The following SORBS2 variants were observed in gnomAD, a reference collection of about 807,000 sequenced individuals.
SORBS2 encodes the protein sorbin and SH3 domain containing 2, also known as sorbin and SH3 domain-containing protein 2.
In SORBS2, 46 loss-of-function variants were observed where a neutral mutation model predicts 97.7. That is an observed-to-expected ratio of 0.47 (90% CI 0.37 to 0.60). SORBS2 has a LOEUF of 0.60. Ranked by LOEUF, SORBS2 falls within the 20% of genes least tolerant of loss-of-function variation. SORBS2 has a pLI of 0.00. For synonymous variants in SORBS2, 476 were observed against 473.4 expected, an observed-to-expected ratio of 1.01 and a Z score of -0.07; for missense variants, 1,316 against 1,282.3, an observed-to-expected ratio of 1.03 and a Z score of -0.40.
chr4:185,767,287 A>G (rs958540961), intron 2 of SORBS2, among the ~76,000 whole-genome samples: 10 of 149,714 alleles, frequency 6.7e-5, no homozygotes, highest in Admixed American at 2.7e-4. Flanking sequence ...TCACGAGGTC[A>G]GGAGATCGAG....
At chr4:185,853,890 G>A (rs572805907) in intron 1 of SORBS2, among the ~76,000 whole-genome samples, 4 of 152,318 alleles carry the variant, frequency 2.6e-5, no homozygotes, top group African/African-American at 7.2e-5. Flanking sequence ...TTTTGGTAAA[G>A]CTTTCAGTGA....
chr4:185,925,151 G>A (rs909406199), intron 1 of SORBS2, among the ~76,000 whole-genome samples: 1 of 152,170 alleles, frequency 6.6e-6, no homozygotes, highest in Non-Finnish European at 1.5e-5. Flanking sequence ...CATTCTCATT[G>A]TTATATTATT....
intron 1 of SORBS2, among the ~76,000 whole-genome samples, chr4:185,915,747 A>G (rs1344460023): frequency 6.6e-6 from 1 of 151,986 alleles, no homozygotes; most frequent in Non-Finnish European, 1.5e-5. Context: ...AGATATTAAT[A>G]CTCACTCTAC....
intron 12 of SORBS2, among the ~76,000 whole-genome samples, chr4:185,603,513 A>C (rs376971261): frequency 6.6e-6 from 1 of 152,182 alleles, no homozygotes; most frequent in Non-Finnish European, 1.5e-5. Flanking sequence ...AGTGGTTTTG[A>C]GATTGTATAA....
intron 1 of SORBS2, among the ~76,000 whole-genome samples, chr4:185,655,233 TCTGGATGA>T (rs2097378901): frequency 6.6e-6 from 1 of 152,246 alleles, no homozygotes; most frequent in South Asian, 2.1e-4. Context: ...TTCTAGAGTT[TCTGGATGA>T]CTTTACAAAA....
intron 1 of SORBS2, among the ~76,000 whole-genome samples, chr4:185,870,039 C>A (rs2099229519): frequency 6.6e-6 from 1 of 152,160 alleles, no homozygotes; most frequent in South Asian, 2.1e-4. Context: ...AGACTTTCAA[C>A]CAACTGTACT....
chr4:185,836,442 G>T (rs1274027630), intron 1 of SORBS2, among the ~76,000 whole-genome samples: 1 of 152,166 alleles, frequency 6.6e-6, no homozygotes. Context: ...AGGACAAACA[G>T]CAGAAAAGTC....
At chr4:185,810,933 C>T (rs2099178939) in intron 1 of SORBS2, 1 of 152,222 alleles carries the variant, frequency 6.6e-6, no homozygotes, top group Non-Finnish European at 1.5e-5. Flanking sequence ...TTTACTGCCA[C>T]ATACCTCAGC....
At chr4:185,739,593 G>A (rs1223889122) in intron 2 of SORBS2, among the ~76,000 whole-genome samples, 1 of 152,326 alleles carries the variant, frequency 6.6e-6, no homozygotes, top group East Asian at 1.9e-4. Flanking sequence ...TGAGGTGTGT[G>A]TTCAGGATGA....
intron 4 of SORBS2, chr4:185,677,395 G>T: frequency 6.4e-7 from 1 of 1,552,356 alleles, no homozygotes; most frequent in Non-Finnish European, 8.7e-7. Flanking sequence ...GAAGCTGCTG[G>T]TAGTGGATTA....
chr4:185,887,885 T>C (rs2099240454), intron 1 of SORBS2, among the ~76,000 whole-genome samples: 1 of 152,028 alleles, frequency 6.6e-6, no homozygotes, highest in Non-Finnish European at 1.5e-5. Flanking sequence ...CCTTAAGTTG[T>C]TGTTGGATAG....
At chr4:185,597,188 C>A (rs191898972) in intron 12 of SORBS2, among the ~76,000 whole-genome samples, 2 of 152,304 alleles carry the variant, frequency 1.3e-5, no homozygotes, top group African/African-American at 4.8e-5. Flanking sequence ...TCATCTGCGT[C>A]TTTCTGTTTT....
At chr4:185,710,378 T>C (rs1406946611) in intron 2 of SORBS2, among the ~76,000 whole-genome samples, 1 of 152,218 alleles carries the variant, frequency 6.6e-6, no homozygotes, top group African/African-American at 2.4e-5. Flanking sequence ...GCATGAAGTG[T>C]TCAAACTTAT....
At chr4:185,882,261 A>G (rs1417633634) in intron 1 of SORBS2, among the ~76,000 whole-genome samples, 2 of 152,200 alleles carry the variant, frequency 1.3e-5, no homozygotes, top group Non-Finnish European at 1.5e-5. Flanking sequence ...GCAATATACA[A>G]GGTCAATATA....
At chr4:185,785,383 C>G (rs377307444) in intron 1 of SORBS2, among the ~76,000 whole-genome samples, 5 of 152,160 alleles carry the variant, frequency 3.3e-5, no homozygotes, top group African/African-American at 1.2e-4. Context: ...TTGTTCTAAG[C>G]GTTCCTGTGT....
intron 1 of SORBS2, among the ~76,000 whole-genome samples, chr4:185,804,016 T>C (rs1156859995): frequency 6.6e-6 from 1 of 152,210 alleles, no homozygotes; most frequent in African/African-American, 2.4e-5. Flanking sequence ...TACAAGTGGT[T>C]TAAATGAGCC....
intron 1 of SORBS2, among the ~76,000 whole-genome samples, chr4:185,844,995 G>C (rs1241662967): frequency 2.0e-5 from 3 of 151,196 alleles, no homozygotes; most frequent in Non-Finnish European, 2.9e-5. Context: ...TGGGTATGGG[G>C]TTTTTAGGGA....
At position 185,690,557 on chromosome 4, in the gene SORBS2, C is replaced by A. The variant is rs1184948418; in HGVS notation, c.-197-11735G>T. 6.6e-7 allele frequency: 1 copy of A among 1,522,822 alleles called. No homozygotes were observed. Among genetic ancestry groups the A allele is most frequent in the Non-Finnish European group, 8.9e-7 (1 of 1,127,252 alleles). The allele number at this position is 1,522,822 out of a possible 1,614,324, so 94.3% of individuals were successfully genotyped here. A position where few individuals can be genotyped will look rare whatever the true frequency, so the allele number is the denominator to read the frequency against. On this transcript the variant is annotated intron_variant, in intron 2 of 20. Transcript: ENST00000284776. ...AAAAGAGTTTAAAACTAACAGACAG[C>A]ATACCTGTGTTCATTTTCACCTTGG...
chr4:185,683,866 T>C (rs11729538), intron 2 of SORBS2, among the ~76,000 whole-genome samples: 22,871 of 152,162 alleles, frequency 0.15, 2,087 homozygotes, highest in Middle Eastern at 0.21. Flanking sequence ...AACTTCTAGA[T>C]GTATGTGTGT....
Sources: allele counts gnomAD v4.1 joint callset (sites outside exome capture counted in the v4.1 genomes callset), GRCh38; gene constraint gnomAD v4.1.1; transcripts MANE v1.5; gene names NCBI Gene and HGNC (gene_info 2026-07-23, HGNC 2026-07-21).